Variants in ARK2C observed in about 807,000 individuals in gnomAD.
ARK2C encodes the protein E3 ubiquitin-protein ligase ARK2C.
the ARK2C span, among the ~76,000 whole-genome samples, chr18:46,343,831 A>C: frequency 6.6e-6 from 1 of 152,204 alleles, no homozygotes; most frequent in African/African-American, 2.4e-5. Context: ...GGAAGGGAGC[A>C]GTAATTGCCC....
chr18:46,412,863 G>A, the ARK2C span, among the ~76,000 whole-genome samples: 13 of 152,084 alleles, frequency 8.5e-5, no homozygotes, highest in African/African-American at 2.9e-4. Flanking sequence ...TAAGGACCGA[G>A]GCCCAAAGGG....
chr18:46,458,283 T>C, the ARK2C span: 1 of 152,756 alleles, frequency 6.5e-6, no homozygotes, highest in South Asian at 2.1e-4. Context: ...AGAATGGAGA[T>C]GGGAAAATCC....
chr18:46,380,891 A>T, the ARK2C span, among the ~76,000 whole-genome samples: 1 of 152,140 alleles, frequency 6.6e-6, no homozygotes, highest in African/African-American at 2.4e-5. Flanking sequence ...TGCAGTGGAG[A>T]AGGAAGGCCA....
At chr18:46,425,160 C>T in the ARK2C span, among the ~76,000 whole-genome samples, 1 of 152,216 alleles carries the variant, frequency 6.6e-6, no homozygotes, top group African/African-American at 2.4e-5. Flanking sequence ...TAGCTGAGCA[C>T]AGCGGGAAAC....
the ARK2C span, among the ~76,000 whole-genome samples, chr18:46,383,318 A>T: frequency 1.3e-5 from 2 of 152,238 alleles, no homozygotes; most frequent in Non-Finnish European, 2.9e-5. Context: ...CTAGTGATTT[A>T]TTTAAGTTGC....
chr18:46,446,670 C>CAAAAAAAAAAAAAAAAAAAAAAA, the ARK2C span, among the ~76,000 whole-genome samples: 1 of 34,394 alleles, frequency 2.9e-5, no homozygotes, highest in Non-Finnish European at 5.2e-5. Context: ...GACTCCATCT[C>CAAAAAAAAAAAAAAAAAAAAAAA]AAAAAAAAAA....
chr18:46,399,990 G>A, the ARK2C span, among the ~76,000 whole-genome samples: 1 of 152,204 alleles, frequency 6.6e-6, no homozygotes. Flanking sequence ...TGAGGTGCAA[G>A]CTGGGGCCAC....
the ARK2C span, among the ~76,000 whole-genome samples, chr18:46,355,128 T>G: frequency 6.6e-6 from 1 of 152,120 alleles, no homozygotes; most frequent in Non-Finnish European, 1.5e-5. Context: ...TTTTGTTTTT[T>G]TTTTAGTAGA....
the ARK2C span, among the ~76,000 whole-genome samples, chr18:46,439,084 G>A: frequency 6.6e-6 from 1 of 152,234 alleles, no homozygotes; most frequent in African/African-American, 2.4e-5. Flanking sequence ...CGTAGCAGCT[G>A]GACCTGGGCT....
the ARK2C span, chr18:46,457,635 G>A: frequency 0.012 from 1,897 of 152,774 alleles, 31 homozygotes; most frequent in Non-Finnish European, 0.016. Flanking sequence ...GTTCCTGGGA[G>A]CCGAGAGACC....
At chr18:46,419,805 A>G in the ARK2C span, among the ~76,000 whole-genome samples, 2 of 152,108 alleles carry the variant, frequency 1.3e-5, no homozygotes, top group African/African-American at 4.8e-5. Flanking sequence ...CAAGAAGCCT[A>G]TAGCTCTGCC....
At chr18:46,432,157 C>T in the ARK2C span, among the ~76,000 whole-genome samples, 15 of 152,126 alleles carry the variant, frequency 9.9e-5, no homozygotes, top group Admixed American at 2.0e-4. Context: ...ACTTCTTGGC[C>T]TCATTAAAGG....
the ARK2C span, among the ~76,000 whole-genome samples, chr18:46,358,081 C>G: frequency 2.0e-5 from 3 of 152,172 alleles, no homozygotes; most frequent in African/African-American, 7.2e-5. Context: ...TCTTCAAAGA[C>G]CCTGTTTCCA....
chr18:46,389,178 A>T, the ARK2C span, among the ~76,000 whole-genome samples: 2 of 152,222 alleles, frequency 1.3e-5, no homozygotes, highest in African/African-American at 2.4e-5. Context: ...ACAAGGAAAC[A>T]GGGAAACATC....
At chr18:46,449,975 C>T in the ARK2C span, among the ~76,000 whole-genome samples, 6 of 152,074 alleles carry the variant, frequency 3.9e-5, no homozygotes, top group Admixed American at 3.3e-4. Flanking sequence ...CCTCATTTAC[C>T]CCATCAGTAA....
At chr18:46,416,471 T>C in the ARK2C span, among the ~76,000 whole-genome samples, 2 of 152,234 alleles carry the variant, frequency 1.3e-5, no homozygotes, top group African/African-American at 4.8e-5. Context: ...CTTTTCTCTT[T>C]AAGCATTCAG....
At chr18:46,383,836 C>G in the ARK2C span, among the ~76,000 whole-genome samples, 1,062 of 152,188 alleles carry the variant, frequency 7.0e-3, 17 homozygotes, top group Middle Eastern at 0.024. Flanking sequence ...CAGGCGTGAG[C>G]CACCGCGCCC....
At chr18:46,456,822 T>G in the ARK2C span, 1 of 576,206 alleles carries the variant, frequency 1.7e-6, no homozygotes, top group Non-Finnish European at 3.1e-6. Flanking sequence ...AGGACCCACC[T>G]CTCCAGAATG....
At chr18:46,360,904 C>T in the ARK2C span, among the ~76,000 whole-genome samples, 7 of 152,256 alleles carry the variant, frequency 4.6e-5, no homozygotes, top group Non-Finnish European at 1.0e-4. Flanking sequence ...GGCCCAGAGG[C>T]CAGGCGTCAG....
Sources: gnomAD v4.1 joint callset for allele counts (sites outside exome capture counted in the v4.1 genomes callset) on GRCh38, gnomAD v4.1.1 for gene constraint, MANE v1.5 for transcripts, NCBI Gene and HGNC (gene_info 2026-07-23, HGNC 2026-07-21) for gene names.